Variants in GALNT13 observed in about 807,000 individuals in gnomAD.
GALNT13 encodes polypeptide N-acetylgalactosaminyltransferase 13, also known as UDP-GalNAc:polypeptide N-acetylgalactosaminyltransferase 13.
Under a neutral mutation model 64.2 loss-of-function variants are expected in GALNT13, and 28 were observed. The ratio of observed to expected loss-of-function variants is 0.44; its 90% confidence interval spans 0.32 to 0.60. GALNT13 has a LOEUF of 0.60. Ranked by LOEUF, GALNT13 falls within the 20% of genes least tolerant of loss-of-function variation. The pLI, the probability that GALNT13 is intolerant of heterozygous loss-of-function variation, is 0.05. For missense variants in GALNT13, 577 were observed against 669.8 expected, an observed-to-expected ratio of 0.86 and a Z score of 1.53; for synonymous variants, 214 against 224.6, an observed-to-expected ratio of 0.95 and a Z score of 0.42.
chr2:153,684,311 C>T, the GALNT13 span, among the ~76,000 whole-genome samples: 1 of 151,602 alleles, frequency 6.6e-6, no homozygotes, highest in Non-Finnish European at 1.5e-5. Flanking sequence ...TTCTGGGTTA[C>T]TGTGTCTATA....
the GALNT13 span, among the ~76,000 whole-genome samples, chr2:153,137,654 A>G: frequency 0.013 from 1,959 of 151,812 alleles, 29 homozygotes; most frequent in African/African-American, 0.032. Context: ...ACTTTATTCG[A>G]TAAGTATTGT....
intron 9 of GALNT13, among the ~76,000 whole-genome samples, chr2:154,356,367 C>T (rs986182748): frequency 6.6e-6 from 1 of 151,828 alleles, no homozygotes; most frequent in Non-Finnish European, 1.5e-5. Flanking sequence ...TCAATTTGCT[C>T]AGATTGGATT....
chr2:153,218,676 C>T, the GALNT13 span, among the ~76,000 whole-genome samples: 2 of 152,268 alleles, frequency 1.3e-5, no homozygotes, highest in African/African-American at 2.4e-5. Flanking sequence ...TGGTGAGGTC[C>T]ATGAAGAAGA....
At chr2:153,673,753 G>T in the GALNT13 span, among the ~76,000 whole-genome samples, 1 of 152,172 alleles carries the variant, frequency 6.6e-6, no homozygotes, top group South Asian at 2.1e-4. Context: ...GTTAGGAAAA[G>T]AGGAAGTCAA....
At chr2:153,819,654 A>G in the GALNT13 span, among the ~76,000 whole-genome samples, 2 of 152,224 alleles carry the variant, frequency 1.3e-5, no homozygotes, top group Non-Finnish European at 2.9e-5. Flanking sequence ...AGGATCAGAT[A>G]CATACTCACC....
At chr2:153,621,816 G>T in the GALNT13 span, among the ~76,000 whole-genome samples, 2 of 152,072 alleles carry the variant, frequency 1.3e-5, no homozygotes, top group African/African-American at 4.8e-5. Flanking sequence ...AATGCTGCCT[G>T]GCCTGGAGCT....
the GALNT13 span, among the ~76,000 whole-genome samples, chr2:153,409,155 G>T: frequency 9.2e-5 from 14 of 152,010 alleles, no homozygotes; most frequent in South Asian, 2.7e-3. Context: ...CTACTTTTGA[G>T]GTGTTGGGAC....
At chr2:153,850,467 A>T in the GALNT13 span, among the ~76,000 whole-genome samples, 1 of 152,230 alleles carries the variant, frequency 6.6e-6, no homozygotes, top group Non-Finnish European at 1.5e-5. Context: ...GCAATTTATA[A>T]AAACACAAGA....
chr2:153,608,713 T>G, the GALNT13 span, among the ~76,000 whole-genome samples: 1 of 147,702 alleles, frequency 6.8e-6, no homozygotes, highest in Non-Finnish European at 1.5e-5. Context: ...CATATATAAA[T>G]ATGTAAATAT....
At chr2:153,264,543 C>T in the GALNT13 span, among the ~76,000 whole-genome samples, 18 of 152,216 alleles carry the variant, frequency 1.2e-4, no homozygotes, top group Non-Finnish European at 2.5e-4. Context: ...AACCAAAATG[C>T]CCATCAATGA....
At chr2:153,283,145 G>T in the GALNT13 span, among the ~76,000 whole-genome samples, 2 of 152,188 alleles carry the variant, frequency 1.3e-5, no homozygotes, top group South Asian at 2.1e-4. Flanking sequence ...AGGGAGACAA[G>T]AAAAAGATGG....
chr2:153,950,854 C>T (rs1019724463), intron 3 of GALNT13, among the ~76,000 whole-genome samples: 3 of 151,882 alleles, frequency 2.0e-5, no homozygotes, highest in Non-Finnish European at 4.4e-5. Flanking sequence ...ATAATTTGTA[C>T]CCCAAACCTG....
the GALNT13 span, among the ~76,000 whole-genome samples, chr2:153,638,721 G>A: frequency 6.6e-6 from 1 of 152,048 alleles, no homozygotes; most frequent in Non-Finnish European, 1.5e-5. Context: ...CAGGTAGGTA[G>A]GTAGATATAG....
At chr2:153,222,443 A>T in the GALNT13 span, among the ~76,000 whole-genome samples, 2 of 77,742 alleles carry the variant, frequency 2.6e-5, no homozygotes, top group East Asian at 9.9e-4. Context: ...CACTCCCGGC[A>T]GCCTCAGATT....
the GALNT13 span, among the ~76,000 whole-genome samples, chr2:153,863,763 T>C: frequency 6.6e-6 from 1 of 152,172 alleles, no homozygotes; most frequent in South Asian, 2.1e-4. Flanking sequence ...AATAACTATG[T>C]ACTATGTGCC....
At chr2:153,722,450 C>T in the GALNT13 span, among the ~76,000 whole-genome samples, 1 of 143,540 alleles carries the variant, frequency 7.0e-6, no homozygotes, top group Non-Finnish European at 1.5e-5. Context: ...CAAGAAATAA[C>T]TAAAATCGGA....
At chr2:153,431,973 GA>G in the GALNT13 span, among the ~76,000 whole-genome samples, 1 of 152,094 alleles carries the variant, frequency 6.6e-6, no homozygotes, top group African/African-American at 2.4e-5. Flanking sequence ...AAATATGCAA[GA>G]ACATTTTAAA....
the GALNT13 span, among the ~76,000 whole-genome samples, chr2:153,417,015 G>T: frequency 6.6e-6 from 1 of 152,194 alleles, no homozygotes; most frequent in Non-Finnish European, 1.5e-5. Context: ...GATAGGAAGT[G>T]CTAGGTCAGA....
chr2:153,733,315 T>A, the GALNT13 span, among the ~76,000 whole-genome samples: 18 of 152,074 alleles, frequency 1.2e-4, no homozygotes, highest in Non-Finnish European at 1.5e-4. Context: ...ATGGAAAAAA[T>A]TAAGCTACTG....
Sources: gnomAD v4.1 joint callset for allele counts (sites outside exome capture counted in the v4.1 genomes callset) on GRCh38, gnomAD v4.1.1 for gene constraint, MANE v1.5 for transcripts, NCBI Gene and HGNC (gene_info 2026-07-23, HGNC 2026-07-21) for gene names.